The following PRDM11 variants were observed in gnomAD, a reference collection of about 807,000 sequenced individuals.
PRDM11 encodes the protein PR domain-containing protein 11.
PRDM11 carries 20 observed loss-of-function variants against 97.8 expected under a neutral mutation model. The ratio of observed to expected loss-of-function variants is 0.20; its 90% CI spans 0.14 to 0.30. PRDM11 has a LOEUF of 0.30. Ranked by LOEUF, PRDM11 falls within the 10% of genes least tolerant of loss-of-function variation. The pLI is 1.00. For missense variants in PRDM11, 1,139 were observed against 1,555.2 expected (o/e 0.73, Z 4.50); for synonymous variants, 599 against 637.7 (o/e 0.94, Z 0.91).
rs191890540 is a variant in PRDM11, at chr11:45,138,858, T to G, written c.97-42903T>G. On this transcript the variant is annotated intron_variant, in intron 1 of 6. Coordinates refer to the PRDM11 transcript ENST00000530656. ...AAGGAAAAACAGAAAACATCTAAAT[T>G]TCCATACAGCAAAAGACATCACAAA... Among the ~76,000 whole-genome samples, 3 of 152,250 alleles carry G rather than the reference T, an allele frequency of 2.0e-5. No homozygotes were observed. The East Asian group carries it at 5.8e-4, about 29-fold the overall frequency.
intron 1 of PRDM11, among the ~76,000 whole-genome samples, chr11:45,148,277 C>G (rs1851573885): frequency 6.6e-6 from 1 of 152,206 alleles, no homozygotes; most frequent in South Asian, 2.1e-4. Context: ...CTTTGGACTT[C>G]ACATCGTTGT....
At chr11:45,204,385 C>T (rs1337647588) in intron 4 of PRDM11, among the ~76,000 whole-genome samples, 1 of 152,204 alleles carries the variant, frequency 6.6e-6, no homozygotes, top group Non-Finnish European at 1.5e-5. Context: ...CCTTGTCAGC[C>T]ATGTTGCTGA....
intron 1 of PRDM11, among the ~76,000 whole-genome samples, chr11:45,163,171 G>C (rs955077581): frequency 6.6e-6 from 1 of 152,194 alleles, no homozygotes; most frequent in African/African-American, 2.4e-5. Flanking sequence ...TGTCACCTGT[G>C]GCTGGTCTTG....
chr11:45,222,969 A>G (rs1854160214), intron 6 of PRDM11, among the ~76,000 whole-genome samples: 1 of 152,222 alleles, frequency 6.6e-6, no homozygotes, highest in Non-Finnish European at 1.5e-5. Flanking sequence ...ATCTCTCACC[A>G]GCAAGCATCA....
At chr11:45,108,576 T>G (rs929921388) in intron 1 of PRDM11, among the ~76,000 whole-genome samples, 3 of 152,228 alleles carry the variant, frequency 2.0e-5, no homozygotes, top group Admixed American at 2.0e-4. Flanking sequence ...GCTCCTGCCC[T>G]TGGACAGGAT....
chr11:45,191,949 T>G (rs1453526836), intron 4 of PRDM11, among the ~76,000 whole-genome samples: 14 of 152,130 alleles, frequency 9.2e-5, no homozygotes, highest in African/African-American at 2.9e-4. Context: ...TCATCTAGGT[T>G]TTAAGCCTCC....
intron 1 of PRDM11, among the ~76,000 whole-genome samples, chr11:45,138,956 A>G (rs1245535925): frequency 6.6e-6 from 1 of 152,242 alleles, no homozygotes; most frequent in East Asian, 1.9e-4. Context: ...GCTATCCTTA[A>G]TATGTAAACT....
intron 4 of PRDM11, among the ~76,000 whole-genome samples, chr11:45,194,957 C>G (rs1416850416): frequency 1.3e-5 from 2 of 151,916 alleles, no homozygotes; most frequent in Non-Finnish European, 2.9e-5. Context: ...TGTTACTTAT[C>G]TAAGGTTATA....
intron 1 of PRDM11, among the ~76,000 whole-genome samples, chr11:45,097,470 C>T (rs1166151900): frequency 6.6e-6 from 1 of 152,208 alleles, no homozygotes; most frequent in Non-Finnish European, 1.5e-5. Context: ...TGTGGGAAAG[C>T]TTTCATCCCT....
At chr11:45,095,158 T>C (rs565953206), upstream of PRDM11, among the ~76,000 whole-genome samples, 7 of 152,262 alleles carry the variant, frequency 4.6e-5, no homozygotes, top group Admixed American at 2.6e-4. Flanking sequence ...TGAAGCTGTG[T>C]CACTGGCTGC....
chr11:45,103,811 C>T (rs1184517227), intron 1 of PRDM11, among the ~76,000 whole-genome samples: 1 of 149,248 alleles, frequency 6.7e-6, no homozygotes, highest in African/African-American at 2.5e-5. Context: ...TATACCTCAA[C>T]AAGAAAGGAA....
chr11:45,132,237 T>C (rs1179040358), intron 1 of PRDM11, among the ~76,000 whole-genome samples: 2 of 152,158 alleles, frequency 1.3e-5, no homozygotes, highest in Non-Finnish European at 2.9e-5. Flanking sequence ...AACAAGGAGC[T>C]TGAACACTTC....
chr11:45,132,652 T>C (rs1395275852), intron 1 of PRDM11, among the ~76,000 whole-genome samples: 1 of 152,168 alleles, frequency 6.6e-6, no homozygotes, highest in East Asian at 1.9e-4. Flanking sequence ...TGTTCCTCCA[T>C]CCTTTCACAA....
chr11:45,122,801 T>C (rs1244429255), intron 1 of PRDM11, among the ~76,000 whole-genome samples: 3 of 152,216 alleles, frequency 2.0e-5, no homozygotes, highest in Non-Finnish European at 4.4e-5. Flanking sequence ...ACAGTAAACA[T>C]ACATGTGCAT....
chr11:45,190,251 AT>A (rs892740904), intron 4 of PRDM11, among the ~76,000 whole-genome samples: 1 of 151,686 alleles, frequency 6.6e-6, no homozygotes, highest in Non-Finnish European at 1.5e-5. Context: ...GGTTCAAGCA[AT>A]TTTACCACCC....
At chr11:45,104,601 C>A (rs1852029895) in intron 1 of PRDM11, among the ~76,000 whole-genome samples, 1 of 152,144 alleles carries the variant, frequency 6.6e-6, no homozygotes, top group Non-Finnish European at 1.5e-5. Flanking sequence ...TATGACCCAT[C>A]TCCCACCTGG....
intron 4 of PRDM11, among the ~76,000 whole-genome samples, chr11:45,194,983 G>A (rs1853065760): frequency 6.6e-6 from 1 of 151,686 alleles, no homozygotes; most frequent in South Asian, 2.1e-4. Flanking sequence ...CATTTATGGG[G>A]CCAGGACTTT....
At chr11:45,211,757 T>C (rs1481901078) in intron 5 of PRDM11, among the ~76,000 whole-genome samples, 1 of 151,874 alleles carries the variant, frequency 6.6e-6, no homozygotes. Flanking sequence ...GTCCGTTGTA[T>C]CAATCTTATG....
chr11:45,147,266 C>G (rs1210027469), intron 1 of PRDM11: 1 of 151,478 alleles, frequency 6.6e-6, no homozygotes, highest in Non-Finnish European at 1.5e-5. Context: ...GCCGAGCGCT[C>G]GGAATGAGAA....
Sources: gnomAD v4.1 joint callset for allele counts (sites outside exome capture counted in the v4.1 genomes callset) on GRCh38, gnomAD v4.1.1 for gene constraint, MANE v1.5 for transcripts, NCBI Gene and HGNC (gene_info 2026-07-23, HGNC 2026-07-21) for gene names.